Variants in CLDN10 observed in about 807,000 individuals in gnomAD.
CLDN10 encodes the protein claudin-10.
In CLDN10, 15 loss-of-function variants were observed where a neutral mutation model predicts 22.9. That is an observed-to-expected ratio of 0.65 (90% confidence interval 0.44 to 1.01). The LOEUF (loss-of-function observed/expected upper bound fraction) is 1.01. CLDN10 is among the 50% of genes least tolerant of loss of function. The pLI is 0.00. For missense variants in CLDN10, 247 were observed against 287.8 expected (o/e 0.86, Z 1.03); for synonymous variants, 114 against 111.4 (o/e 1.02, Z -0.15).
At chr13:95,476,817 A>T (rs2042690011) in intron 1 of CLDN10, among the ~76,000 whole-genome samples, 1 of 152,230 alleles carries the variant, frequency 6.6e-6, no homozygotes, top group Non-Finnish European at 1.5e-5. Context: ...CACCTTCACA[A>T]TCTCTCACAG....
intron 1 of CLDN10, among the ~76,000 whole-genome samples, chr13:95,459,563 G>A (rs186441959): frequency 6.6e-6 from 1 of 152,288 alleles, no homozygotes; most frequent in East Asian, 1.9e-4. Flanking sequence ...CTGTACATTG[G>A]CCCATTTTAG....
At chr13:95,562,317 C>T (rs1233211875) in intron 3 of CLDN10, among the ~76,000 whole-genome samples, 1 of 152,136 alleles carries the variant, frequency 6.6e-6, no homozygotes, top group Non-Finnish European at 1.5e-5. Flanking sequence ...CAATGATCCT[C>T]CTCCCTCAGC....
chr13:95,488,687 C>T (rs1205508278), intron 1 of CLDN10, among the ~76,000 whole-genome samples: 1 of 152,132 alleles, frequency 6.6e-6, no homozygotes. Flanking sequence ...ACTGCAAACA[C>T]TGATAATTCA....
intron 1 of CLDN10, among the ~76,000 whole-genome samples, chr13:95,543,680 A>G (rs1178446780): frequency 6.6e-6 from 1 of 152,066 alleles, no homozygotes; most frequent in Non-Finnish European, 1.5e-5. Flanking sequence ...TCTAAAATTC[A>G]TATTTAGGAA....
At chr13:95,464,451 A>G (rs1463831158) in intron 1 of CLDN10, among the ~76,000 whole-genome samples, 1 of 152,312 alleles carries the variant, frequency 6.6e-6, no homozygotes, top group East Asian at 1.9e-4. Flanking sequence ...TTATAGCTGC[A>G]TAGTATTCCA....
chr13:95,465,603 G>A (rs149467755), intron 1 of CLDN10, among the ~76,000 whole-genome samples: 89 of 152,216 alleles, frequency 5.8e-4, no homozygotes, highest in African/African-American at 1.9e-3. Context: ...CCATGCCAGC[G>A]GCAAAGGAGA....
chr13:95,577,381 C>T, intron 4 of CLDN10, 43 bp downstream of exon 4: 1 of 1,211,400 alleles, frequency 8.3e-7, no homozygotes, highest in South Asian at 1.2e-5. Context: ...AAGTAGAATG[C>T]TATCATAAAT....
At chr13:95,470,477 G>A (rs1945676152) in intron 1 of CLDN10, among the ~76,000 whole-genome samples, 1 of 152,026 alleles carries the variant, frequency 6.6e-6, no homozygotes, top group East Asian at 1.9e-4. Flanking sequence ...TTTGGGGAGC[G>A]AGTAGTAACC....
At chr13:95,548,017 T>C (rs1360786676), upstream of CLDN10, among the ~76,000 whole-genome samples, 1 of 152,224 alleles carries the variant, frequency 6.6e-6, no homozygotes, top group Non-Finnish European at 1.5e-5. Flanking sequence ...GAGTTGAAAG[T>C]GGTCTCGGAA....
chr13:95,535,519 A>T (rs1264984015), intron 1 of CLDN10, among the ~76,000 whole-genome samples: 1 of 150,764 alleles, frequency 6.6e-6, no homozygotes, highest in Non-Finnish European at 1.5e-5. Context: ...GAGTGGGTAG[A>T]CAAACAAATA....
At chr13:95,467,951 C>A (rs1391371258) in intron 1 of CLDN10, among the ~76,000 whole-genome samples, 1 of 152,158 alleles carries the variant, frequency 6.6e-6, no homozygotes, top group East Asian at 1.9e-4. Context: ...GGTGGGTCAA[C>A]CTTTTTGTTC....
intron 1 of CLDN10, among the ~76,000 whole-genome samples, chr13:95,471,688 G>A (rs2042635285): frequency 6.6e-6 from 1 of 151,838 alleles, no homozygotes; most frequent in Non-Finnish European, 1.5e-5. Context: ...CTGACATCAG[G>A]TGATCCACCC....
At position 95,552,778 on chromosome 13, in the gene CLDN10, A is replaced by G; in HGVS notation, c.25A>G (p.Ile9Val). The change falls in exon 1 of 5, where the codon ATC becomes GTC. Residue 9 changes from isoleucine to valine, a missense_variant. Coordinates refer to ENST00000299339, the MANE Select transcript of CLDN10 (RefSeq NM_006984.5). MASTASEI[I>V]AFMVSISGWV... ...CATGGCTAGCACGGCTTCGGAGATC[A>G]TCGCCTTCATGGTCTCCATCTCAGG... The G allele has an allele frequency of 6.2e-7, 1 of 1,613,328 alleles. No homozygotes were observed. The highest frequency in any genetic ancestry group is 8.5e-7 in the Non-Finnish European group (1 of 1,179,848).
At chr13:95,521,517 G>T (rs71433026) in intron 1 of CLDN10, among the ~76,000 whole-genome samples, 15,152 of 152,014 alleles carry the variant, frequency 0.1, 928 homozygotes, top group Middle Eastern at 0.12. Context: ...CAAACTCTGC[G>T]ATGTCAAATA....
At chr13:95,548,481 C>CA (rs202086060), upstream of CLDN10, among the ~76,000 whole-genome samples, 1,702 of 151,352 alleles carry the variant, frequency 0.011, 31 homozygotes, top group African/African-American at 0.038. Flanking sequence ...TTATAATTTG[C>CA]AAAAAAAATT....
intron 1 of CLDN10, among the ~76,000 whole-genome samples, chr13:95,503,307 A>G (rs1242076668): frequency 6.6e-6 from 1 of 152,266 alleles, no homozygotes; most frequent in Non-Finnish European, 1.5e-5. Flanking sequence ...GTCAAACACT[A>G]AACCATGGAA....
intron 1 of CLDN10, among the ~76,000 whole-genome samples, chr13:95,495,727 G>A (rs1310210382): frequency 7.9e-6 from 1 of 126,712 alleles, no homozygotes; most frequent in Admixed American, 1.0e-4. Flanking sequence ...CTGGGCGACA[G>A]AGCCAGACTC....
chr13:95,446,793 G>T (rs2042384479), intron 1 of CLDN10, among the ~76,000 whole-genome samples: 2 of 151,952 alleles, frequency 1.3e-5, no homozygotes, highest in Admixed American at 1.3e-4. Context: ...AGTGAACCGA[G>T]ATTGTGCCAC....
chr13:95,510,639 T>C (rs1232654228), intron 1 of CLDN10, among the ~76,000 whole-genome samples: 1 of 152,118 alleles, frequency 6.6e-6, no homozygotes, highest in Non-Finnish European at 1.5e-5. Flanking sequence ...TGAATTGTTT[T>C]TATGGCTTAA....
Sources: gnomAD v4.1 joint callset for allele counts (sites outside exome capture counted in the v4.1 genomes callset) on GRCh38, gnomAD v4.1.1 for gene constraint, MANE v1.5 for transcripts, NCBI Gene and HGNC (gene_info 2026-07-23, HGNC 2026-07-21) for gene names.